Variants in MLLT3 observed in about 807,000 individuals in gnomAD.
The protein encoded by MLLT3 is protein AF-9.
A neutral mutation model predicts 53.2 loss-of-function variants in MLLT3; 4 were observed. The observed-to-expected ratio is 0.08, with a 90% CI of 0.04 to 0.17. The LOEUF is 0.17. MLLT3 is among the 10% of genes least tolerant of loss of function. The probability of loss-of-function intolerance (pLI) is 1.00; values close to 1 mark genes in which losing one functional copy is unlikely to be tolerated. For missense variants in MLLT3, 569 were observed against 684.0 expected (o/e 0.83, Z 1.87); for synonymous variants, 283 against 230.6 (o/e 1.23, Z -2.06).
intron 4 of MLLT3, among the ~76,000 whole-genome samples, chr9:20,426,853 A>C (rs1349858393): frequency 3.9e-5 from 6 of 152,132 alleles, no homozygotes; most frequent in Admixed American, 3.9e-4. Flanking sequence ...CAGGCCATAA[A>C]ATGTGAACTA....
At chr9:20,360,903 A>C (rs934847353) in intron 7 of MLLT3, 62 bp from the exon 8 acceptor site, 26 of 1,416,270 alleles carry the variant, frequency 1.8e-5, no homozygotes, top group Non-Finnish European at 2.3e-5. Flanking sequence ...AAATACCCAT[A>C]GAAATAGGCG....
intron 2 of MLLT3, among the ~76,000 whole-genome samples, chr9:20,605,491 C>T (rs770645888): frequency 2.0e-5 from 3 of 151,924 alleles, no homozygotes; most frequent in African/African-American, 4.8e-5. Context: ...TTAATAACCA[C>T]GGGTTCATAC....
At chr9:20,511,877 C>T (rs772701992) in intron 2 of MLLT3, among the ~76,000 whole-genome samples, 1 of 152,100 alleles carries the variant, frequency 6.6e-6, no homozygotes, top group African/African-American at 2.4e-5. Context: ...GTAGCCACAG[C>T]AGACATTAAT....
intron 2 of MLLT3, among the ~76,000 whole-genome samples, chr9:20,532,072 T>C (rs894221684): frequency 6.6e-6 from 1 of 152,174 alleles, no homozygotes; most frequent in East Asian, 1.9e-4. Flanking sequence ...TTCACAGCTA[T>C]GTTCCATTAC....
rs1821022436 is a variant in MLLT3 at position 20,621,848 on chromosome 9, G to A, written c.12+397C>T. On this transcript the variant is annotated intron_variant, in intron 1 of 10. Transcript: ENST00000380338. The surrounding 1 kb of genome is among the most constrained non-coding windows in gnomAD (Gnocchi z 7.0). ...GCCGCGTCCCCGGACTGTGCCCGCA[G>A]CTCCCGGCGGCGGCGGCTGAAATAT... 7.2e-6 allele frequency: 10 copies of A among 1,389,084 alleles called. No individual in the cohort carries two copies. Among genetic ancestry groups the A allele is most frequent in the Non-Finnish European group, 8.3e-6 (9 of 1,081,254 alleles). The allele number at this position is 1,389,084 out of a possible 1,614,324, so 86.0% of individuals were successfully genotyped here.
intron 2 of MLLT3, among the ~76,000 whole-genome samples, chr9:20,525,842 T>C (rs1010142132): frequency 6.6e-6 from 1 of 152,224 alleles, no homozygotes; most frequent in Non-Finnish European, 1.5e-5. Context: ...GTAGTCTAGG[T>C]TGAAGCCTGA....
Position 20,622,410 on chromosome 9 carries a change from G to A in MLLT3, c.-154C>T. The A allele has an allele frequency of 6.1e-6, 4 of 655,198 alleles. No homozygotes were observed. Among genetic ancestry groups the A allele is most frequent in the South Asian group, 2.2e-5 (1 of 45,746 alleles). 40.6% of individuals were successfully genotyped at this position (655,198 alleles called of 1,614,324 possible). A position where few individuals can be genotyped will look rare whatever the true frequency, so the allele number is the denominator to read the frequency against. On this transcript the variant is annotated 5_prime_UTR_variant, in exon 1 of 11. Transcript: ENST00000380338. ...ACATTCTCTGCCTTTTTCCCCCCGCGCTCGCTTGCTCGCTCGCTCGCTTAT... is the reference window on the plus strand; with the variant it reads ...ACATTCTCTGCCTTTTTCCCCCCGCACTCGCTTGCTCGCTCGCTCGCTTAT...
chr9:20,557,440 A>G (rs1427268838), intron 2 of MLLT3, among the ~76,000 whole-genome samples: 1 of 152,210 alleles, frequency 6.6e-6, no homozygotes, highest in Admixed American at 6.5e-5. Context: ...ATGAATTAAT[A>G]TAGCTAAAAC....
At chr9:20,482,717 T>A (rs1297584866) in intron 2 of MLLT3, among the ~76,000 whole-genome samples, 1 of 152,224 alleles carries the variant, frequency 6.6e-6, no homozygotes, top group Non-Finnish European at 1.5e-5. Flanking sequence ...ATAATTAGTA[T>A]AAGAGGCATT....
chr9:20,388,896 A>G (rs1822112241), intron 5 of MLLT3, among the ~76,000 whole-genome samples: 1 of 152,236 alleles, frequency 6.6e-6, no homozygotes, highest in African/African-American at 2.4e-5. Context: ...ATCTCCCTCA[A>G]CATATATCAG....
intron 2 of MLLT3, among the ~76,000 whole-genome samples, chr9:20,540,761 A>AT (rs1340152321): frequency 6.6e-6 from 1 of 152,206 alleles, no homozygotes; most frequent in Non-Finnish European, 1.5e-5. Context: ...TGTCTTGGCT[A>AT]TTAACATTTC....
intron 2 of MLLT3, among the ~76,000 whole-genome samples, chr9:20,616,388 C>T (rs1290999939): frequency 6.6e-6 from 1 of 151,942 alleles, no homozygotes; most frequent in East Asian, 1.9e-4. Context: ...CATGCTAATC[C>T]CTATTTTTAA....
At chr9:20,416,467 A>T (rs1238855474) in intron 4 of MLLT3, among the ~76,000 whole-genome samples, 4 of 152,082 alleles carry the variant, frequency 2.6e-5, no homozygotes, top group African/African-American at 9.6e-5. Context: ...TCCTTCCATG[A>T]TATATTTTTA....
At chr9:20,433,235 T>A (rs1050468751) in intron 4 of MLLT3, among the ~76,000 whole-genome samples, 7 of 152,072 alleles carry the variant, frequency 4.6e-5, no homozygotes, top group African/African-American at 1.7e-4. Flanking sequence ...ACTTGACATA[T>A]CTTTTTATAG....
intron 2 of MLLT3, among the ~76,000 whole-genome samples, chr9:20,480,964 T>C (rs1372683997): frequency 6.6e-6 from 1 of 152,214 alleles, no homozygotes; most frequent in Non-Finnish European, 1.5e-5. Context: ...ATGAGAACTA[T>C]AATTTTAAAA....
At chr9:20,589,172 C>G (rs1397107340) in intron 2 of MLLT3, among the ~76,000 whole-genome samples, 5 of 149,488 alleles carry the variant, frequency 3.3e-5, no homozygotes, top group African/African-American at 7.3e-5. Context: ...ATAGCAAAGA[C>G]TTGGAACCAA....
At position 20,621,705 on chromosome 9, in the gene MLLT3, T is replaced by G. The variant is rs913698759; in HGVS notation, c.12+540A>C. On this transcript the variant is annotated intron_variant, in intron 1 of 10. Transcript: ENST00000380338. This position sits in a 1 kb window ranked among gnomAD's most constrained non-coding sequence, Gnocchi z 7.0. ...GCACCTCCCGGCGCTGGGGCAAAGT[T>G]GCGTGCGGCCCCGCCGCTGTCAGCC... 1 of 1,450,816 alleles carries G rather than the reference T, an allele frequency of 6.9e-7. No individual in the cohort carries two copies. The highest frequency in any genetic ancestry group is 2.3e-5 in the Admixed American group (1 of 43,532). 89.9% of individuals were successfully genotyped at this position (1,450,816 alleles called of 1,614,324 possible).
intron 5 of MLLT3, among the ~76,000 whole-genome samples, chr9:20,397,049 TG>T (rs1822338165): frequency 6.6e-6 from 1 of 152,168 alleles, no homozygotes; most frequent in Non-Finnish European, 1.5e-5. Flanking sequence ...CAGTGGGGTC[TG>T]AAAAATCTTT....
chr9:20,622,035 G>C, intron 1 of MLLT3: 1 of 788,676 alleles, frequency 1.3e-6, no homozygotes, highest in Non-Finnish European at 1.5e-6. Context: ...GTGTGTGAGT[G>C]TGTGTGTGTC....
Sources: gnomAD v4.1 joint callset for allele counts (sites outside exome capture counted in the v4.1 genomes callset) on GRCh38, gnomAD v4.1.1 for gene constraint, Gnocchi (gnomAD v3.1) non-coding constraint, MANE v1.5 for transcripts, NCBI Gene and HGNC (gene_info 2026-07-23, HGNC 2026-07-21) for gene names.